Variants in ZNF76 observed in about 807,000 individuals in gnomAD.
ZNF76 encodes zinc finger protein 523.
Under a neutral mutation model 66.9 loss-of-function variants are expected in ZNF76, and 66 were observed. The ratio of observed to expected loss-of-function variants is 0.99; its 90% CI spans 0.81 to 1.21. The LOEUF is 1.21. ZNF76 is among the 50% of genes most tolerant of loss of function. The pLI, the probability that ZNF76 is intolerant of heterozygous loss-of-function variation, is 0.00. For synonymous variants in ZNF76, 275 were observed against 296.1 expected (o/e 0.93, Z 0.73); for missense variants, 729 against 760.3 (o/e 0.96, Z 0.48).
At chr6:35,288,951 A>T (rs1789991490) in intron 5 of ZNF76, among the ~76,000 whole-genome samples, 2 of 10,714 alleles carry the variant, frequency 1.9e-4, no homozygotes, top group Non-Finnish European at 7.5e-4. Flanking sequence ...ATCCTATCTA[A>T]AAAAAAAAAA....
At position 35,261,719 on chromosome 6, in the gene ZNF76, TA is replaced by T. The variant is rs543215444; in HGVS notation, c.-97+1880del. Among the ~76,000 whole-genome samples the T allele has an allele frequency of 4.6e-4, 70 of 152,356 alleles. 1 individual carries two copies. The East Asian group carries it at 0.013, about 29-fold the overall frequency. On this transcript the variant is annotated intron_variant, in intron 1 of 13. Coordinates refer to ENST00000373953, the MANE Select transcript of ZNF76 (RefSeq NM_003427.5). The stretch of plus-strand genomic sequence containing the variant: ...CAACATCAGCTCGTTCCTTGATCCC[TA>T]AGGTTTCTGTTCTTGAGCTCCTAGC...
At chr6:35,278,604 G>T (rs537547064) in intron 1 of ZNF76, among the ~76,000 whole-genome samples, 16 of 152,342 alleles carry the variant, frequency 1.1e-4, no homozygotes, top group Non-Finnish European at 1.8e-4. Context: ...CAAAGATATC[G>T]GTTGGTAAGT....
In ZNF76 at chr6:35,293,860, C is replaced by T. The variant is rs1220029285; in HGVS notation, c.1439C>T (p.Thr480Ile). The T allele has an allele frequency of 6.2e-7, 1 of 1,614,196 alleles. No homozygotes were observed. Among genetic ancestry groups the T allele is most frequent in the Non-Finnish European group, 8.5e-7 (1 of 1,180,040 alleles). Reference sequence around the variant, plus strand: ...CCCAGTCCTGATGCCGACCTGGCCACATCTGGCACACATACAGTCACCATG... The same window carrying T: ...CCCAGTCCTGATGCCGACCTGGCCATATCTGGCACACATACAGTCACCATG... ...TIPSPDADLATSGTHTVTMVS... is the reference protein window; with the variant it reads ...TIPSPDADLAISGTHTVTMVS... Residue 480 changes from threonine to isoleucine, a missense_variant, in exon 12 of 14, where the codon ACA (threonine) becomes ATA (isoleucine). Physicochemically the swap from Thr to Ile is moderately conservative, Grantham distance 89 (BLOSUM62 -1). Transcript: ENST00000373953.
At chr6:35,265,374 G>A (rs1582018308) in intron 1 of ZNF76, among the ~76,000 whole-genome samples, 1 of 151,978 alleles carries the variant, frequency 6.6e-6, no homozygotes, top group East Asian at 1.9e-4. Flanking sequence ...AGGCGTGGTG[G>A]CAGGCACCTG....
Position 35,286,315 on chromosome 6 carries a change from G to C in ZNF76, c.155-7G>C. On this transcript the variant is annotated splice_region_variant and splice_polypyrimidine_tract_variant and intron_variant, in intron 3 of 13. Coordinates refer to ENST00000373953, the MANE Select transcript of ZNF76 (RefSeq NM_003427.5). Reference sequence around the variant, plus strand: ...CCAGGGAAAGGCAGGCATTGCTCTCGTTACAGAAGCTCTCTCCTTTGAGGA... The same window carrying C: ...CCAGGGAAAGGCAGGCATTGCTCTCCTTACAGAAGCTCTCTCCTTTGAGGA... 1 of 1,614,178 alleles carries C rather than the reference G, an allele frequency of 6.2e-7. No homozygotes were observed. Among genetic ancestry groups the C allele is most frequent in the South Asian group, 1.1e-5 (1 of 91,076 alleles).
intron 1 of ZNF76, among the ~76,000 whole-genome samples, chr6:35,276,214 A>G (rs1362693220): frequency 6.6e-6 from 1 of 152,244 alleles, no homozygotes; most frequent in African/African-American, 2.4e-5. Context: ...AAATATTAGC[A>G]TGAGCAGTAG....
intron 1 of ZNF76, 54 bp downstream of exon 1, chr6:35,259,895 G>C (rs1189629163): frequency 1.3e-5 from 2 of 152,228 alleles, no homozygotes; most frequent in Non-Finnish European, 2.9e-5. Context: ...GAGGCCGGGC[G>C]GGCGCAGGAC....
intron 1 of ZNF76, among the ~76,000 whole-genome samples, chr6:35,266,295 G>T (rs1786055691): frequency 6.6e-6 from 1 of 152,132 alleles, no homozygotes; most frequent in Non-Finnish European, 1.5e-5. Context: ...TGGGACTACA[G>T]GTGCATGCCA....
intron 2 of ZNF76, among the ~76,000 whole-genome samples, chr6:35,284,976 G>A (rs961646955): frequency 1.3e-5 from 2 of 152,258 alleles, no homozygotes; most frequent in African/African-American, 4.8e-5. Flanking sequence ...CTCCCAAAGT[G>A]TTGGGATTAT....
chr6:35,275,382 C>G (rs1170523099), intron 1 of ZNF76, among the ~76,000 whole-genome samples: 1 of 152,218 alleles, frequency 6.6e-6, no homozygotes, highest in Non-Finnish European at 1.5e-5. Flanking sequence ...TCTCGGAGGG[C>G]TGCAGGAGTA....
chr6:35,290,108 A>G, intron 5 of ZNF76, 158 bp from the exon 6 acceptor site: 1 of 943,328 alleles, frequency 1.1e-6, no homozygotes, highest in Non-Finnish European at 1.6e-6. Flanking sequence ...AGCATGCCCC[A>G]GCATCTGTTC....
chr6:35,279,171 A>G (rs1011092379), intron 1 of ZNF76: 2 of 162,072 alleles, frequency 1.2e-5, no homozygotes, highest in Non-Finnish European at 2.9e-5. Context: ...TTTACTTTTC[A>G]TTAGCTTAAG....
At position 35,287,860 on chromosome 6, in the gene ZNF76, C is replaced by T. The variant is rs1255944219; in HGVS notation, c.432+15C>T. 4 of 1,568,966 alleles carry T rather than the reference C, an allele frequency of 2.5e-6. No homozygotes were observed. Among genetic ancestry groups the T allele is most frequent in the Admixed American group, 1.9e-5 (1 of 52,496 alleles). On this transcript the variant is annotated intron_variant, in intron 5 of 13. Coordinates refer to ENST00000373953, the MANE Select transcript of ZNF76 (RefSeq NM_003427.5). This position sits in a 1 kb window ranked among gnomAD's most constrained non-coding sequence, Gnocchi z 4.0. ...ATGCCAGCAAGGTGAGCACGCACAG[C>T]GTGACACGGTCTGTCACTCTAGACA...
rs750665514 is a variant in ZNF76, at chr6:35,292,752, G to A, written c.1130G>A (p.Ser377Asn). 4 of 1,614,104 alleles carry A rather than the reference G, an allele frequency of 2.5e-6. No homozygotes were observed. Among genetic ancestry groups the A allele is most frequent in the East Asian group, 2.2e-5 (1 of 44,878 alleles). ...GGCGAGCTGGAGGCCACGGAGGAGA[G>A]CGAGCAGGCCCTCTATGAGCAGCAG... ...AHGELEATEESEQALYEQQQL... is the reference protein window; with the variant it reads ...AHGELEATEENEQALYEQQQL... The change falls in exon 10 of 14, where the codon AGC becomes AAC. Residue 377 changes from serine to asparagine, a missense_variant. Ser to Asn is a conservative substitution (Grantham distance 46, BLOSUM62 1). Coordinates refer to ENST00000373953, the MANE Select transcript of ZNF76 (RefSeq NM_003427.5). This position sits in a 1 kb window ranked among gnomAD's most constrained non-coding sequence, Gnocchi z 4.7.
Position 35,292,376 on chromosome 6 carries a change from T to G in ZNF76, c.932-178T>G. 1 of 659,206 alleles carries G rather than the reference T, an allele frequency of 1.5e-6. No homozygotes were observed. Among genetic ancestry groups the G allele is most frequent in the African/African-American group, 1.8e-5 (1 of 55,834 alleles). 40.8% of individuals were successfully genotyped at this position (659,206 alleles called of 1,614,324 possible). On this transcript the variant is annotated intron_variant, in intron 9 of 13. Coordinates refer to ENST00000373953, the MANE Select transcript of ZNF76 (RefSeq NM_003427.5). The surrounding 1 kb of genome is among the most constrained non-coding windows in gnomAD (Gnocchi z 4.7). ...TCTGGATTCAGTGGTTCAACACCTG[T>G]GTCCTCTCTGTGTTCCACTGGCCAT...
At chr6:35,283,794 C>G (rs1485947845) in intron 2 of ZNF76, among the ~76,000 whole-genome samples, 1 of 152,200 alleles carries the variant, frequency 6.6e-6, no homozygotes. Flanking sequence ...TGAGGGTAGC[C>G]TACTGCTCTG....
rs181903858 is a variant in ZNF76, at chr6:35,292,418, C to T, written c.932-136C>T. 5.6e-3 allele frequency: 4,655 copies of T among 832,336 alleles called. 34 individuals are homozygous for T. The highest frequency in any genetic ancestry group is 7.5e-3 in the Non-Finnish European group (3,818 of 509,208). The allele number at this position is 832,336 out of a possible 1,614,324, so 51.6% of individuals were successfully genotyped here. ...ACTGGCCATCTTCCCCAACCCTGTC[C>T]ATTCAGAGTCTCAGGTCTCAGTCCC... On this transcript the variant is annotated intron_variant, in intron 9 of 13. Transcript: ENST00000373953. This position sits in a 1 kb window ranked among gnomAD's most constrained non-coding sequence, Gnocchi z 4.7.
chr6:35,287,762 G>C lies in ZNF76; in HGVS notation c.349G>C (p.Val117Leu). ...CACCATCCTGGCCGTACAGACAGAGGTGGGCTTGGAGGACCTGGCAGCAGA... is the reference window on the plus strand; with the variant it reads ...CACCATCCTGGCCGTACAGACAGAGCTGGGCTTGGAGGACCTGGCAGCAGA... ...ESTILAVQTE[V>L]GLEDLAAEDD... Residue 117 changes from valine to leucine, a missense_variant, in exon 5 of 14, where the codon GTG becomes CTG. By Grantham distance (32) the Val-to-Leu change is conservative (BLOSUM62 1). Transcript: ENST00000373953. The surrounding 1 kb of genome is among the most constrained non-coding windows in gnomAD (Gnocchi z 4.0). 1 of 1,614,218 alleles carries C rather than the reference G, an allele frequency of 6.2e-7. No homozygotes were observed. The highest frequency in any genetic ancestry group is 8.5e-7 in the Non-Finnish European group (1 of 1,180,044).
At chr6:35,272,720 C>A (rs560611094) in intron 1 of ZNF76, among the ~76,000 whole-genome samples, 9 of 152,326 alleles carry the variant, frequency 5.9e-5, no homozygotes, top group African/African-American at 2.2e-4. Flanking sequence ...CTCTCCAAAG[C>A]CTCAACTTCC....
Sources: gnomAD v4.1 joint callset for allele counts (sites outside exome capture counted in the v4.1 genomes callset) on GRCh38, gnomAD v4.1.1 for gene constraint, Gnocchi (gnomAD v3.1) non-coding constraint, MANE v1.5 for transcripts, NCBI Gene and HGNC (gene_info 2026-07-23, HGNC 2026-07-21) for gene names.